The following COL25A1 variants were observed in gnomAD, a reference collection of about 807,000 sequenced individuals.
COL25A1 encodes the protein collagen alpha-1(XXV) chain.
In COL25A1, 103 loss-of-function variants were observed where a neutral mutation model predicts 128.4. The observed-to-expected ratio is 0.80, with a 90% CI of 0.68 to 0.94. The LOEUF is 0.94. COL25A1 is among the 40% of genes least tolerant of loss of function. The pLI is 0.00. For synonymous variants in COL25A1, 279 were observed against 277.2 expected (o/e 1.01, Z -0.06); for missense variants, 745 against 840.0 (o/e 0.89, Z 1.40).
At chr4:108,914,352 T>A (rs912401067) in intron 13 of COL25A1, among the ~76,000 whole-genome samples, 2 of 152,106 alleles carry the variant, frequency 1.3e-5, no homozygotes, top group Non-Finnish European at 2.9e-5. Flanking sequence ...ACACAAGAGG[T>A]GAAAGAGCAC....
intron 11 of COL25A1, among the ~76,000 whole-genome samples, chr4:108,921,391 A>G (rs1483856676): frequency 1.2e-5 from 1 of 85,840 alleles, no homozygotes; most frequent in Non-Finnish European, 2.7e-5. Context: ...TCAAAGAGAT[A>G]TAGCTATATT....
chr4:109,222,059 CT>C (rs3041336), intron 3 of COL25A1, among the ~76,000 whole-genome samples: 296 of 85,738 alleles, frequency 3.5e-3, no homozygotes, highest in East Asian at 4.8e-3. Context: ...TAAATAACTT[CT>C]TTTTTTTTTT....
intron 5 of COL25A1, among the ~76,000 whole-genome samples, chr4:109,013,672 C>T (rs1756911230): frequency 6.6e-6 from 1 of 151,732 alleles, no homozygotes; most frequent in African/African-American, 2.4e-5. Context: ...ATGAACAACT[C>T]CAGACGCGCC....
chr4:108,835,900 C>G (rs1476847986), intron 31 of COL25A1, among the ~76,000 whole-genome samples: 8 of 82,978 alleles, frequency 9.6e-5, no homozygotes, highest in African/African-American at 4.0e-4. Context: ...GAGACGGACT[C>G]TCGCTCTGTT....
intron 3 of COL25A1, among the ~76,000 whole-genome samples, chr4:109,231,899 T>C (rs552517482): frequency 4.6e-5 from 7 of 152,276 alleles, no homozygotes; most frequent in African/African-American, 1.7e-4. Context: ...TGGTAGTGTT[T>C]TGAAAACTAA....
intron 21 of COL25A1, 90 bp from the exon 22 acceptor site, chr4:108,862,635 G>T (rs1190661793): frequency 4.2e-5 from 45 of 1,059,114 alleles, no homozygotes; most frequent in Admixed American, 1.7e-4. Flanking sequence ...TCAGAATAAT[G>T]AAGAAAAATG....
In COL25A1 at chr4:108,811,237, A is replaced by C. The variant is rs1049094492; in HGVS notation, c.*2690T>G. The C allele has an allele frequency of 3.3e-5, 5 of 152,098 alleles. No homozygotes were observed. The highest frequency in any genetic ancestry group is 7.4e-5 in the Non-Finnish European group (5 of 67,950). The allele number at this position is 152,098 out of a possible 1,614,324, so 9.4% of individuals were successfully genotyped here. On this transcript the variant is annotated 3_prime_UTR_variant, in exon 38 of 38. Transcript: ENST00000399132. Reference sequence around the variant, plus strand: ...AGTTAAAGATTATCCATCATGGTTAAGACCTAGCAATTCCACTGAACAAGG... The same window carrying C: ...AGTTAAAGATTATCCATCATGGTTACGACCTAGCAATTCCACTGAACAAGG...
intron 3 of COL25A1, among the ~76,000 whole-genome samples, chr4:109,093,074 C>T (rs747364584): frequency 2.6e-5 from 4 of 151,684 alleles, no homozygotes; most frequent in Admixed American, 6.6e-5. Context: ...GAACACTGGC[C>T]AGATTTCCTA....
chr4:109,297,140 G>C (rs1046996718), intron 3 of COL25A1, among the ~76,000 whole-genome samples: 1 of 151,952 alleles, frequency 6.6e-6, no homozygotes, highest in Non-Finnish European at 1.5e-5. Context: ...ATCATTTTGG[G>C]TTTCTTTAAA....
chr4:109,037,138 G>A (rs1477136782), intron 5 of COL25A1, among the ~76,000 whole-genome samples: 1 of 152,118 alleles, frequency 6.6e-6, no homozygotes, highest in African/African-American at 2.4e-5. Flanking sequence ...GCTAACAAAG[G>A]CCTCCAAAAG....
intron 3 of COL25A1, among the ~76,000 whole-genome samples, chr4:109,115,830 G>A (rs1010023236): frequency 1.3e-5 from 2 of 152,014 alleles, no homozygotes; most frequent in African/African-American, 4.8e-5. Context: ...AGGAGCACGA[G>A]ATGGAGAGAA....
chr4:109,090,369 A>T (rs930465816), intron 3 of COL25A1, among the ~76,000 whole-genome samples: 1 of 151,966 alleles, frequency 6.6e-6, no homozygotes, highest in Non-Finnish European at 1.5e-5. Flanking sequence ...TCACATAAAA[A>T]TTTTTTCACT....
In COL25A1 at chr4:108,824,221, G is replaced by A; in HGVS notation, c.1798C>T (p.Pro600Ser). 6.2e-7 allele frequency: 1 copy of A among 1,611,286 alleles called. No homozygotes were observed. The highest frequency in any genetic ancestry group is 8.5e-7 in the Non-Finnish European group (1 of 1,178,786). Reference protein sequence around the residue: ...KDGEPGLDGFPGPRGEKGDLG... With the variant: ...KDGEPGLDGFSGPRGEKGDLG... ...TCACCCTTCTCACCCCGTGGACCAG[G>A]GAAGCCCTGTAAGATAAAAAGCAAA... The change falls in exon 35 of 38, where the codon CCT becomes TCT. Residue 600 changes from proline (P) to serine (S), a missense_variant. Coordinates refer to ENST00000399132, the MANE Select transcript of COL25A1 (RefSeq NM_198721.4).
intron 37 of COL25A1, among the ~76,000 whole-genome samples, chr4:108,814,611 C>T (rs953830701): frequency 6.6e-6 from 1 of 152,186 alleles, no homozygotes; most frequent in African/African-American, 2.4e-5. Context: ...GTCATAATAA[C>T]TAAGGTTTTC....
At chr4:109,100,231 C>T (rs1765765388) in intron 3 of COL25A1, among the ~76,000 whole-genome samples, 1 of 152,036 alleles carries the variant, frequency 6.6e-6, no homozygotes, top group South Asian at 2.1e-4. Flanking sequence ...CACTGTAAAA[C>T]ATGCAGTCAT....
In COL25A1 at chr4:108,846,187, G is replaced by A. The variant is rs1218096575; in HGVS notation, c.1467C>T (p.Asp489=). The A allele has an allele frequency of 6.2e-7, 1 of 1,613,028 alleles. No individual in the cohort carries two copies. Among genetic ancestry groups the A allele is most frequent in the Non-Finnish European group, 8.5e-7 (1 of 1,179,106 alleles). ...CTCCTTTTTCACCTGTCATACCTGG[G>A]TCCCCCATGTCTCCCTTTGAGCCTT... ...GLKGSKGDMG[D]PGMTGEKGGI... The change falls in exon 28 of 38, where the codon GAC becomes GAT. Residue 489 remains aspartate, a synonymous_variant. Coordinates refer to ENST00000399132, the MANE Select transcript of COL25A1 (RefSeq NM_198721.4).
intron 3 of COL25A1, among the ~76,000 whole-genome samples, chr4:109,205,173 A>C (rs1002152279): frequency 2.0e-5 from 3 of 152,246 alleles, no homozygotes; most frequent in Non-Finnish European, 4.4e-5. Context: ...AATATTATCC[A>C]GAAAGCATGC....
At chr4:108,914,968 A>C (rs1163243313) in intron 13 of COL25A1, among the ~76,000 whole-genome samples, 1 of 152,194 alleles carries the variant, frequency 6.6e-6, no homozygotes, top group Admixed American at 6.5e-5. Flanking sequence ...TAGAAAGTTA[A>C]GTGATTGGCC....
intron 3 of COL25A1, among the ~76,000 whole-genome samples, chr4:109,259,750 C>A (rs1444375326): frequency 6.6e-6 from 1 of 152,176 alleles, no homozygotes; most frequent in Non-Finnish European, 1.5e-5. Context: ...TTCACATAAA[C>A]AACCTTTGAT....
Sources: gnomAD v4.1 joint callset for allele counts (sites outside exome capture counted in the v4.1 genomes callset) on GRCh38, gnomAD v4.1.1 for gene constraint, MANE v1.5 for transcripts, NCBI Gene and HGNC (gene_info 2026-07-23, HGNC 2026-07-21) for gene names.